Variants in GARIN1A observed in about 807,000 individuals in gnomAD.
GARIN1A encodes Golgi-associated RAB2 interactor protein 1A.
the GARIN1A span, among the ~76,000 whole-genome samples, chr7:128,705,771 C>T: frequency 2.0e-5 from 3 of 149,692 alleles, no homozygotes; most frequent in Non-Finnish European, 4.4e-5. Flanking sequence ...CTCAGGTGAT[C>T]CTCCCACCTC....
the GARIN1A span, among the ~76,000 whole-genome samples, chr7:128,674,275 CAA>C: frequency 6.6e-6 from 1 of 152,038 alleles, no homozygotes; most frequent in East Asian, 1.9e-4. Context: ...CAGAAAAGTT[CAA>C]AGTTTGATTT....
the GARIN1A span, chr7:128,677,633 A>G: frequency 2.5e-6 from 4 of 1,613,796 alleles, no homozygotes; most frequent in East Asian, 2.2e-5. Flanking sequence ...GGGTTAGGAC[A>G]GTGACCGAAA....
chr7:128,698,858 A>T, the GARIN1A span, among the ~76,000 whole-genome samples: 6 of 152,148 alleles, frequency 3.9e-5, no homozygotes, highest in African/African-American at 1.4e-4. Flanking sequence ...AAGTGTTGGG[A>T]TTACAGGCGT....
chr7:128,675,210 A>G, the GARIN1A span, among the ~76,000 whole-genome samples: 158 of 152,258 alleles, frequency 1.0e-3, no homozygotes, highest in African/African-American at 3.7e-3. Flanking sequence ...TAGCCCCTCC[A>G]TCATCCTGGG....
chr7:128,672,640 C>A, the GARIN1A span: 1 of 282,338 alleles, frequency 3.5e-6, no homozygotes. Flanking sequence ...CCTTTTAAAG[C>A]CCTGGGGGAG....
chr7:128,675,167 G>A, the GARIN1A span, among the ~76,000 whole-genome samples: 1 of 152,094 alleles, frequency 6.6e-6, no homozygotes, highest in African/African-American at 2.4e-5. Flanking sequence ...CAAGAGAATA[G>A]GTCCTCATTC....
chr7:128,701,107 A>G, the GARIN1A span, among the ~76,000 whole-genome samples: 1 of 151,462 alleles, frequency 6.6e-6, no homozygotes, highest in South Asian at 2.1e-4. Context: ...TGGACGTGGA[A>G]CCCACCCATA....
At chr7:128,672,658 C>CGGG in the GARIN1A span, 1 of 116,144 alleles carries the variant, frequency 8.6e-6, no homozygotes, top group Non-Finnish European at 1.8e-5. Context: ...GAGGGGGGGG[C>CGGG]GGGGGGACAA....
the GARIN1A span, among the ~76,000 whole-genome samples, chr7:128,703,743 C>G: frequency 1.3e-5 from 2 of 151,212 alleles, no homozygotes; most frequent in African/African-American, 4.9e-5. Context: ...TGCCACTGCA[C>G]TCCAGTGTGG....
chr7:128,675,324 C>T, the GARIN1A span, among the ~76,000 whole-genome samples: 1 of 152,204 alleles, frequency 6.6e-6, no homozygotes, highest in African/African-American at 2.4e-5. Flanking sequence ...CACACAATCT[C>T]CCTTTTGGGC....
chr7:128,672,448 A>C, the GARIN1A span: 1 of 1,609,226 alleles, frequency 6.2e-7, no homozygotes, highest in Non-Finnish European at 8.5e-7. Context: ...CAGGCCCTGG[A>C]GTGGAACTTG....
the GARIN1A span, chr7:128,708,913 G>C: frequency 1.3e-5 from 2 of 152,170 alleles, no homozygotes; most frequent in Non-Finnish European, 2.9e-5. Flanking sequence ...GTGGGCTCAT[G>C]GCCACCCAGT....
the GARIN1A span, among the ~76,000 whole-genome samples, chr7:128,673,152 G>A: frequency 9.2e-4 from 140 of 152,280 alleles, 2 homozygotes; most frequent in East Asian, 0.025. Flanking sequence ...TCCTGCGCAG[G>A]AGAGCATAAC....
At chr7:128,694,248 C>CT in the GARIN1A span, among the ~76,000 whole-genome samples, 1 of 152,086 alleles carries the variant, frequency 6.6e-6, no homozygotes. Flanking sequence ...AGCAAGAACT[C>CT]TGGCCGAGCA....
the GARIN1A span, chr7:128,686,866 A>C: frequency 6.9e-6 from 1 of 144,794 alleles, no homozygotes; most frequent in East Asian, 2.2e-4. Context: ...ACAGAGCAAG[A>C]TTCCATCTCA....
the GARIN1A span, among the ~76,000 whole-genome samples, chr7:128,672,842 G>A: frequency 6.6e-6 from 1 of 152,334 alleles, no homozygotes; most frequent in Middle Eastern, 3.4e-3. Context: ...GGCCCTTTCT[G>A]GGCCACTTGT....
At chr7:128,685,345 A>G in the GARIN1A span, 1 of 152,278 alleles carries the variant, frequency 6.6e-6, no homozygotes, top group Admixed American at 6.5e-5. Flanking sequence ...AGAGATGCCA[A>G]GTCCTATTTT....
At chr7:128,707,303 CA>C in the GARIN1A span, among the ~76,000 whole-genome samples, 1 of 151,414 alleles carries the variant, frequency 6.6e-6, no homozygotes, top group South Asian at 2.1e-4. Flanking sequence ...CTATATAGTA[CA>C]GCATTGTTAG....
At chr7:128,699,616 C>G in the GARIN1A span, among the ~76,000 whole-genome samples, 1 of 152,188 alleles carries the variant, frequency 6.6e-6, no homozygotes, top group Non-Finnish European at 1.5e-5. Context: ...TTTGCTGAAA[C>G]TTGCTTTATT....
Sources: allele counts gnomAD v4.1 joint callset (sites outside exome capture counted in the v4.1 genomes callset), GRCh38; gene constraint gnomAD v4.1.1; transcripts MANE v1.5; gene names NCBI Gene and HGNC (gene_info 2026-07-23, HGNC 2026-07-21).